Variants in KLF12 observed in about 807,000 individuals in gnomAD.
KLF12 encodes the protein KLF transcription factor 12.
In KLF12, 9 loss-of-function variants were observed where a neutral mutation model predicts 37.8. The ratio of observed to expected loss-of-function variants is 0.24; its 90% CI spans 0.14 to 0.42. KLF12 has a LOEUF of 0.42. Ranked by LOEUF, KLF12 falls within the 10% of genes least tolerant of loss-of-function variation. The probability of loss-of-function intolerance (pLI) is 1.00; values close to 1 mark genes in which losing one functional copy is unlikely to be tolerated. For synonymous variants in KLF12, 208 were observed against 202.1 expected (o/e 1.03, Z -0.25); for missense variants, 411 against 516.0 (o/e 0.80, Z 1.97).
chr13:73,774,014 T>C (rs772853813), intron 5 of KLF12, among the ~76,000 whole-genome samples: 1 of 152,132 alleles, frequency 6.6e-6, no homozygotes, highest in Non-Finnish European at 1.5e-5. Context: ...TCATAGCACT[T>C]AGAAGGCTTA....
At chr13:74,278,285 T>C in the KLF12 span, among the ~76,000 whole-genome samples, 1 of 152,210 alleles carries the variant, frequency 6.6e-6, no homozygotes, top group Non-Finnish European at 1.5e-5. Flanking sequence ...CTATTCCTAC[T>C]TCAGGTAGTT....
chr13:74,172,813 A>G, the KLF12 span, among the ~76,000 whole-genome samples: 1 of 152,240 alleles, frequency 6.6e-6, no homozygotes, highest in Non-Finnish European at 1.5e-5. Context: ...AATTCTGCCC[A>G]AATGGAGGAA....
intron 3 of KLF12, among the ~76,000 whole-genome samples, chr13:73,873,203 A>G (rs1886553428): frequency 6.6e-6 from 1 of 152,154 alleles, no homozygotes. Context: ...TGCTCCCATT[A>G]AATGAGGACT....
chr13:74,069,395 G>T (rs897306291), intron 1 of KLF12, among the ~76,000 whole-genome samples: 5 of 152,182 alleles, frequency 3.3e-5, no homozygotes, highest in African/African-American at 1.2e-4. Flanking sequence ...GAGTAGAGTT[G>T]ATGGTGGTGA....
intron 3 of KLF12, 136 bp from the exon 4 acceptor site, chr13:73,846,509 G>T: frequency 1.2e-6 from 1 of 822,440 alleles, no homozygotes; most frequent in Non-Finnish European, 1.9e-6. Context: ...AATATCTGAA[G>T]GATTGCTCAG....
intron 6 of KLF12, among the ~76,000 whole-genome samples, chr13:73,727,987 G>A (rs925983656): frequency 6.6e-6 from 1 of 152,154 alleles, no homozygotes. Flanking sequence ...GTGTGCCGCC[G>A]TGGCCAGCCA....
At chr13:73,855,782 A>G (rs1885578899) in intron 3 of KLF12, among the ~76,000 whole-genome samples, 1 of 152,128 alleles carries the variant, frequency 6.6e-6, no homozygotes, top group Non-Finnish European at 1.5e-5. Flanking sequence ...AACAAAAGCC[A>G]TTCTGACTGG....
chr13:73,874,424 G>A (rs971116556), intron 3 of KLF12, among the ~76,000 whole-genome samples: 1 of 152,138 alleles, frequency 6.6e-6, no homozygotes, highest in Non-Finnish European at 1.5e-5. Flanking sequence ...ATCAATTAGT[G>A]ACTCTTACTA....
At chr13:74,164,008 C>T in the KLF12 span, among the ~76,000 whole-genome samples, 1,028 of 151,998 alleles carry the variant, frequency 6.8e-3, 14 homozygotes, top group African/African-American at 0.023. Flanking sequence ...TTGAAGATGA[C>T]GCAGGTAAAT....
chr13:74,153,025 G>C, the KLF12 span, among the ~76,000 whole-genome samples: 2 of 151,930 alleles, frequency 1.3e-5, no homozygotes, highest in African/African-American at 2.4e-5. Flanking sequence ...TACTAATTAA[G>C]AGCTATTGTT....
At chr13:73,939,118 G>C (rs537484246) in intron 3 of KLF12, among the ~76,000 whole-genome samples, 3 of 152,284 alleles carry the variant, frequency 2.0e-5, no homozygotes, top group Non-Finnish European at 4.4e-5. Flanking sequence ...AGAGAGGCAG[G>C]ATAACCAATG....
At chr13:74,090,964 C>A (rs576685862) in intron 1 of KLF12, among the ~76,000 whole-genome samples, 1 of 149,138 alleles carries the variant, frequency 6.7e-6, no homozygotes, top group Non-Finnish European at 1.5e-5. Context: ...AAAGCTCATA[C>A]TCTTCCATTT....
intron 1 of KLF12, among the ~76,000 whole-genome samples, chr13:74,090,486 T>C (rs1875584729): frequency 6.6e-6 from 1 of 152,144 alleles, no homozygotes; most frequent in South Asian, 2.1e-4. Context: ...CCTACCAGAA[T>C]CATAACTGAC....
At chr13:74,134,329 G>C (rs1380207981), upstream of KLF12, among the ~76,000 whole-genome samples, 6 of 151,806 alleles carry the variant, frequency 4.0e-5, no homozygotes, top group African/African-American at 1.5e-4. Flanking sequence ...CTCAGCAGGC[G>C]CTAAGTCGCT....
At chr13:73,708,752 G>T (rs1193354877) in intron 7 of KLF12, among the ~76,000 whole-genome samples, 2 of 152,088 alleles carry the variant, frequency 1.3e-5, no homozygotes, top group Non-Finnish European at 2.9e-5. Context: ...ATAAGCAATA[G>T]AACTCTTAAC....
At chr13:74,016,569 C>T (rs1892693305) in intron 1 of KLF12, among the ~76,000 whole-genome samples, 1 of 152,076 alleles carries the variant, frequency 6.6e-6, no homozygotes, top group Admixed American at 6.6e-5. Context: ...TACTCTGTTG[C>T]CCATACTGGT....
chr13:74,124,873 G>A (rs1432542566), intron 1 of KLF12, among the ~76,000 whole-genome samples: 1 of 152,060 alleles, frequency 6.6e-6, no homozygotes, highest in Non-Finnish European at 1.5e-5. Flanking sequence ...AATATAAACT[G>A]GGCCGCGTAT....
At chr13:74,140,499 A>G in the KLF12 span, among the ~76,000 whole-genome samples, 2 of 152,200 alleles carry the variant, frequency 1.3e-5, no homozygotes, top group Admixed American at 6.5e-5. Context: ...GAAAAAAAGC[A>G]TTTTACCAGT....
intron 2 of KLF12, among the ~76,000 whole-genome samples, chr13:73,987,635 G>C (rs151306067): frequency 0.015 from 2,198 of 147,010 alleles, 32 homozygotes; most frequent in African/African-American, 0.037. Flanking sequence ...GAGAGGCAGA[G>C]AGAAAGTGGG....
Sources: gnomAD v4.1 joint callset for allele counts (sites outside exome capture counted in the v4.1 genomes callset) on GRCh38, gnomAD v4.1.1 for gene constraint, MANE v1.5 for transcripts, NCBI Gene and HGNC (gene_info 2026-07-23, HGNC 2026-07-21) for gene names.